Variants in ADSS1 observed in about 807,000 individuals in gnomAD.
The protein encoded by ADSS1 is adenylosuccinate synthetase isozyme 1.
In ADSS1, 57 loss-of-function variants were observed where a neutral mutation model predicts 59.1. That is an observed-to-expected ratio of 0.97 (90% CI 0.78 to 1.20). The LOEUF is 1.20. Ranked by LOEUF, ADSS1 falls within the 50% of genes most tolerant of loss-of-function variation. The pLI is 0.00. For missense variants in ADSS1, 603 were observed against 610.3 expected, an observed-to-expected ratio of 0.99 and a Z score of 0.13; for synonymous variants, 247 against 249.4, an observed-to-expected ratio of 0.99 and a Z score of 0.09.
chr14:104,732,770 C>T (rs1566796028), intron 1 of ADSS1, among the ~76,000 whole-genome samples: 14 of 152,208 alleles, frequency 9.2e-5, no homozygotes. Context: ...TCTCAGTTTC[C>T]CTACCTGTCC....
At chr14:104,743,995 C>T (rs1166442584) in intron 10 of ADSS1, among the ~76,000 whole-genome samples, 1 of 145,720 alleles carries the variant, frequency 6.9e-6, no homozygotes, top group Non-Finnish European at 1.5e-5. Context: ...GCTTTGCCCA[C>T]GGAGGGAGGA....
chr14:104,746,928 AAC>A lies in ADSS1; in HGVS notation c.1322-21_1322-20del, dbSNP rs553615927. The A allele has an allele frequency of 3.7e-4, 601 of 1,613,634 alleles. 1 individual carries two copies. The highest frequency in any genetic ancestry group is 4.9e-4 in the Non-Finnish European group (578 of 1,179,644). On this transcript the variant is annotated intron_variant, in intron 12 of 12. Transcript: ENST00000330877. Reference sequence around the variant, plus strand: ...ACTTTCTGCCTCCAGTGTGTATCATAACAGTCTTTTCTGCTCTCTCAGTCAAA... The same window carrying A: ...ACTTTCTGCCTCCAGTGTGTATCATAAGTCTTTTCTGCTCTCTCAGTCAAA...
intron 9 of ADSS1, 132 bp from the exon 10 acceptor site, chr14:104,742,935 A>T: frequency 7.5e-7 from 1 of 1,340,504 alleles, no homozygotes; most frequent in Admixed American, 1.8e-5. Flanking sequence ...GCTGGATGTA[A>T]GGACTGTCGG....
At position 104,747,196 on chromosome 14, in the gene ADSS1, A is replaced by T. The variant is rs563954915; in HGVS notation, c.*193A>T. The T allele has an allele frequency of 2.1e-5, 11 of 515,216 alleles. 1 individual carries two copies. Among genetic ancestry groups the T allele is most frequent in the Middle Eastern group, 1.1e-3 (2 of 1,844 alleles). 31.9% of individuals were successfully genotyped at this position (515,216 alleles called of 1,614,324 possible). ...GAAAGCCAGCCTTGTGTATATTTTT[A>T]AAAATTATATTCAAAATGAGCCAAA... On this transcript the variant is annotated 3_prime_UTR_variant, in exon 13 of 13. Transcript: ENST00000330877.
At position 104,744,864 on chromosome 14, in the gene ADSS1, G is replaced by A. The variant is rs756353033; in HGVS notation, c.1126G>A (p.Gly376Ser). The change falls in exon 11 of 13, where the codon GGT becomes AGT. Residue 376 changes from glycine (G) to serine (S), a missense_variant. Gly to Ser is a moderately conservative substitution (Grantham distance 56, BLOSUM62 0). Transcript: ENST00000330877. ...GGACGTACTGGGTGAGGTTAAAGTC[G>A]GTGTCTCATACAAGCTGAACGGGAA... is the stretch of plus-strand genomic sequence containing the variant. ...ILDVLGEVKV[G>S]VSYKLNGKRI... 18 of 1,614,146 alleles carry A rather than the reference G, an allele frequency of 1.1e-5. No individual in the cohort carries two copies. Among genetic ancestry groups the A allele is most frequent in the Admixed American group, 3.3e-5 (2 of 60,030 alleles).
At chr14:104,746,852 T>C (rs1028723752) in intron 12 of ADSS1, 99 bp from the exon 13 acceptor site, 1 of 1,263,698 alleles carries the variant, frequency 7.9e-7, no homozygotes, top group Non-Finnish European at 1.1e-6. Flanking sequence ...TAGCCCCTTT[T>C]ACCATTTGAA....
chr14:104,732,386 A>G (rs1890962936), intron 1 of ADSS1, among the ~76,000 whole-genome samples: 1 of 152,182 alleles, frequency 6.6e-6, no homozygotes, highest in Non-Finnish European at 1.5e-5. Context: ...CTGAGACCTC[A>G]ACTGGTGATG....
At position 104,743,145 on chromosome 14, in the gene ADSS1, G is replaced by A. The variant is rs200568797; in HGVS notation, c.1027G>A (p.Asp343Asn). 5.3e-5 allele frequency: 86 copies of A among 1,612,394 alleles called. No individual in the cohort carries two copies. Among genetic ancestry groups the A allele is most frequent in the East Asian group, 1.1e-4 (5 of 44,898 alleles). Residue 343 changes from aspartate (D) to asparagine (N), a missense_variant, in exon 10 of 13, where the codon GAC becomes AAC. Coordinates refer to ENST00000330877, the MANE Select transcript of ADSS1 (RefSeq NM_152328.5). ...TGRKRRCGWL[D>N]LMILRYAHMV... is the part of the protein sequence containing the mutation. ...CAGGAAGAGGCGCTGCGGCTGGCTC[G>A]ACCTGATGATTCTAAGATATGCTCA...
intron 4 of ADSS1, 28 bp downstream of exon 4, chr14:104,739,406 C>G (rs1258080844): frequency 6.3e-7 from 1 of 1,591,056 alleles, no homozygotes. Context: ...GTACAGGGAA[C>G]AGCCCCTCCT....
In ADSS1 at chr14:104,743,041, A is replaced by G. The variant is rs769674144; in HGVS notation, c.949-26A>G. 4 of 1,611,978 alleles carry G rather than the reference A, an allele frequency of 2.5e-6. No homozygotes were observed. In the South Asian group the frequency reaches 3.3e-5, roughly 13 times the overall value. On this transcript the variant is annotated intron_variant, in intron 9 of 12. Transcript: ENST00000330877. Reference sequence around the variant, plus strand: ...GCACAAGGCTCCCACGACAGCTCACATGACGTCCTCCCTGTTCTCATGTAG... The same window carrying G: ...GCACAAGGCTCCCACGACAGCTCACGTGACGTCCTCCCTGTTCTCATGTAG...
chr14:104,728,607 C>A (rs1228838649), intron 1 of ADSS1, among the ~76,000 whole-genome samples: 1 of 152,208 alleles, frequency 6.6e-6, no homozygotes, highest in African/African-American at 2.4e-5. Context: ...GCACACTGGG[C>A]GCCAGGGCCC....
intron 1 of ADSS1, 67 bp from the exon 2 acceptor site, chr14:104,734,953 G>T: frequency 7.1e-7 from 1 of 1,400,324 alleles, no homozygotes; most frequent in South Asian, 1.2e-5. Flanking sequence ...GCCCCATGTG[G>T]GTCAGTCCAT....
At chr14:104,725,885 G>A (rs372241406) in intron 1 of ADSS1, among the ~76,000 whole-genome samples, 6 of 152,324 alleles carry the variant, frequency 3.9e-5, no homozygotes, top group South Asian at 2.1e-4. Context: ...TCTGCAGGGC[G>A]GGCTGGGGCC....
In ADSS1 at chr14:104,730,964, G is replaced by T. The variant is rs376304699; in HGVS notation, c.193-4056G>T. ...AGCCAGACTAGGCAGAGAGTGGGGG[G>T]GGGGGGGGGGCTCAGTGTCCGTGGG... is the stretch of plus-strand genomic sequence containing the variant. On this transcript the variant is annotated intron_variant, in intron 1 of 12. Transcript: ENST00000330877. Among the ~76,000 whole-genome samples the T allele has an allele frequency of 9.5e-5, 11 of 115,640 alleles. 1 individual carries two copies. Among genetic ancestry groups the T allele is most frequent in the African/African-American group, 3.3e-4 (11 of 33,540 alleles). 75.9% of individuals were successfully genotyped at this position (115,640 alleles called of 152,430 possible). A position where few individuals can be genotyped will look rare whatever the true frequency, so the allele number is the denominator to read the frequency against.
Position 104,740,588 on chromosome 14 carries a change from C to G in ADSS1, c.477-13C>G, listed in dbSNP as rs1172344560. 1.1e-5 allele frequency: 17 copies of G among 1,611,684 alleles called. No individual in the cohort carries two copies. The Admixed American group carries it at 2.8e-4, about 27-fold the overall frequency. ...TCCTGGGTTCTCATGGGTACCCACT[C>G]CCCATCTTTCAGTATAGGCACCACC... On this transcript the variant is annotated splice_polypyrimidine_tract_variant and intron_variant, in intron 5 of 12. Transcript: ENST00000330877. The surrounding 1 kb of genome is among the most constrained non-coding windows in gnomAD (Gnocchi z 4.8).
chr14:104,743,956 A>G (rs1164872177), intron 10 of ADSS1, among the ~76,000 whole-genome samples: 1 of 152,214 alleles, frequency 6.6e-6, no homozygotes, highest in Non-Finnish European at 1.5e-5. Context: ...AGACCCATCC[A>G]TAGCCTGCTG....
intron 2 of ADSS1, 101 bp from the exon 3 acceptor site, chr14:104,738,275 G>A (rs1300140428): frequency 2.4e-6 from 3 of 1,266,448 alleles, no homozygotes; most frequent in Admixed American, 3.6e-5. Flanking sequence ...TAGGATTACA[G>A]GCATGAGCCA....
intron 3 of ADSS1, 67 bp from the exon 4 acceptor site, chr14:104,739,261 G>A: frequency 6.5e-7 from 1 of 1,530,804 alleles, no homozygotes; most frequent in South Asian, 1.2e-5. Flanking sequence ...GCCCAGCTCT[G>A]GCCCCTCACG....
rs1258092945 is a variant in ADSS1, at chr14:104,746,339, G to A, written c.1275G>A (p.Gln425=). The A allele has an allele frequency of 1.9e-6, 3 of 1,613,832 alleles. No individual in the cohort carries two copies. The highest frequency in any genetic ancestry group is 2.5e-6 in the Non-Finnish European group (3 of 1,179,966). ...GGAGGTGGGAGGACCTGCCCCCACA[G>A]GCCCAGAACTACATCCGCTTTGTGG... ...GARRWEDLPP[Q]AQNYIRFVEN... The change falls in exon 12 of 13, where the codon CAG becomes CAA. Residue 425 remains glutamine (Q), a synonymous_variant. Coordinates refer to ENST00000330877, the MANE Select transcript of ADSS1 (RefSeq NM_152328.5).
Sources: gnomAD v4.1 joint callset for allele counts (sites outside exome capture counted in the v4.1 genomes callset) on GRCh38, gnomAD v4.1.1 for gene constraint, Gnocchi (gnomAD v3.1) non-coding constraint, MANE v1.5 for transcripts, NCBI Gene and HGNC (gene_info 2026-07-23, HGNC 2026-07-21) for gene names.